The following SIPA1L2 variants were observed in gnomAD, a reference collection of about 807,000 sequenced individuals.
SIPA1L2 encodes signal-induced proliferation-associated 1-like protein 2.
A neutral mutation model predicts 163.9 loss-of-function variants in SIPA1L2; 56 were observed. The ratio of observed to expected loss-of-function variants is 0.34; its 90% CI spans 0.28 to 0.43. The LOEUF (loss-of-function observed/expected upper bound fraction) is 0.43. SIPA1L2 is among the 20% of genes least tolerant of loss of function. SIPA1L2 has a pLI of 1.00. For missense variants in SIPA1L2, 1,974 were observed against 2,193.5 expected (o/e 0.90, Z 2.00); for synonymous variants, 877 against 865.7 (o/e 1.01, Z -0.23).
At chr1:232,455,798 A>G (rs915017733) in intron 10 of SIPA1L2, among the ~76,000 whole-genome samples, 2 of 152,044 alleles carry the variant, frequency 1.3e-5, no homozygotes, top group Non-Finnish European at 2.9e-5. Flanking sequence ...TGTCTTTTGC[A>G]GCAACACAGG....
Position 232,405,478 on chromosome 1 carries a change from C to A in SIPA1L2, c.4763-1300G>T, listed in dbSNP as rs561450908. Among the ~76,000 whole-genome samples, 3 of 152,224 alleles carry A rather than the reference C, an allele frequency of 2.0e-5. No homozygotes were observed. In the South Asian group the frequency reaches 6.2e-4, roughly 32 times the overall value. ...GATCAACAACATAGTTGGGGCCCTG[C>A]CAACTTCTACTATGATGTGACCTGC... is the stretch of plus-strand genomic sequence containing the variant. On this transcript the variant is annotated intron_variant, in intron 19 of 22. Transcript: ENST00000674635.
chr1:232,506,275 G>A (rs927780767), intron 3 of SIPA1L2, among the ~76,000 whole-genome samples: 1 of 152,166 alleles, frequency 6.6e-6, no homozygotes, highest in African/African-American at 2.4e-5. Flanking sequence ...GGAAGCAGGG[G>A]GGCATGCTAT....
chr1:232,415,962 G>A, intron 18 of SIPA1L2: 1 of 237,292 alleles, frequency 4.2e-6, no homozygotes, highest in South Asian at 3.4e-5. Flanking sequence ...CAGTCAGTCA[G>A]AACACGGGCA....
At chr1:232,534,191 CAT>C (rs1225741682) in intron 2 of SIPA1L2, among the ~76,000 whole-genome samples, 2 of 152,144 alleles carry the variant, frequency 1.3e-5, no homozygotes. Flanking sequence ...TGAAGACAAA[CAT>C]AAAGACCAAT....
chr1:232,624,241 C>CATT (rs1316340693), intron 1 of SIPA1L2, among the ~76,000 whole-genome samples: 1 of 152,174 alleles, frequency 6.6e-6, no homozygotes, highest in East Asian at 1.9e-4. Flanking sequence ...CTGTTTCTTG[C>CATT]ATTAGGCCAT....
intron 18 of SIPA1L2, among the ~76,000 whole-genome samples, chr1:232,423,786 C>G (rs1661716770): frequency 6.6e-6 from 1 of 151,870 alleles, no homozygotes; most frequent in South Asian, 2.1e-4. Flanking sequence ...CTAGATGACG[C>G]AATATTATTC....
chr1:232,628,829 A>G (rs1663215749), intron 1 of SIPA1L2, among the ~76,000 whole-genome samples: 1 of 152,218 alleles, frequency 6.6e-6, no homozygotes, highest in African/African-American at 2.4e-5. Flanking sequence ...CTGCAGACAA[A>G]AGAGGCAAAG....
chr1:232,459,111 T>C (rs2357067), intron 10 of SIPA1L2, among the ~76,000 whole-genome samples: 18,010 of 152,274 alleles, frequency 0.12, 2,259 homozygotes, highest in East Asian at 0.58. Context: ...TGCAAGATTT[T>C]GCACATTAAC....
chr1:232,428,121 T>C (rs1459250562), intron 17 of SIPA1L2, among the ~76,000 whole-genome samples: 1 of 152,214 alleles, frequency 6.6e-6, no homozygotes, highest in African/African-American at 2.4e-5. Flanking sequence ...GTCACTTGCA[T>C]AAAGTCATGC....
intron 3 of SIPA1L2, among the ~76,000 whole-genome samples, chr1:232,505,680 G>A (rs557027321): frequency 1.3e-5 from 2 of 152,248 alleles, no homozygotes; most frequent in East Asian, 3.9e-4. Flanking sequence ...GAGCCCGTGC[G>A]ACCACAGCCC....
intron 7 of SIPA1L2, among the ~76,000 whole-genome samples, chr1:232,475,848 C>T (rs1449225950): frequency 6.6e-6 from 1 of 152,126 alleles, no homozygotes; most frequent in Non-Finnish European, 1.5e-5. Flanking sequence ...AAGATGATAA[C>T]AGGATTATGA....
intron 11 of SIPA1L2, among the ~76,000 whole-genome samples, chr1:232,445,149 A>G (rs1663138205): frequency 6.6e-6 from 1 of 152,234 alleles, no homozygotes; most frequent in Non-Finnish European, 1.5e-5. Context: ...CATTATGATG[A>G]TATTTAAGCA....
intron 10 of SIPA1L2, among the ~76,000 whole-genome samples, chr1:232,447,230 C>T (rs760475960): frequency 3.3e-5 from 5 of 151,950 alleles, no homozygotes; most frequent in Admixed American, 6.6e-5. Context: ...ATAATTTCAC[C>T]TGTTTCTTTT....
rs932050983 is a variant in SIPA1L2, at chr1:232,412,068, G to A, written c.4762+3426C>T. ...GCACGAATAGAGTTTAAACATTTAA[G>A]TAGTCATGATTTGACAGCTTAATTT... On this transcript the variant is annotated intron_variant, in intron 19 of 22. Coordinates refer to ENST00000674635, the MANE Select transcript of SIPA1L2 (RefSeq NM_020808.5). Among the ~76,000 whole-genome samples the A allele has an allele frequency of 2.0e-5, 3 of 152,138 alleles. No homozygotes were observed. In the East Asian group the frequency reaches 5.8e-4, roughly 29 times the overall value.
intron 2 of SIPA1L2, among the ~76,000 whole-genome samples, chr1:232,561,225 T>C (rs978390905): frequency 6.6e-6 from 1 of 152,242 alleles, no homozygotes; most frequent in Non-Finnish European, 1.5e-5. Context: ...CATTCTCAAC[T>C]ATCTTCCCAA....
intron 3 of SIPA1L2, among the ~76,000 whole-genome samples, chr1:232,499,597 T>C (rs1435479279): frequency 6.6e-6 from 1 of 152,220 alleles, no homozygotes; most frequent in African/African-American, 2.4e-5. Context: ...ACGCGGTAAG[T>C]GCAAGGTGAA....
chr1:232,439,189 T>A lies in SIPA1L2; in HGVS notation c.3950A>T (p.His1317Leu). ...GGCGGAGATGGTGGACGCGTAGCCA[T>A]GCACAGAATATAACTTGGCTGGCTC... ...DDEPAKLYSV[H>L]GYASTISAGS... Residue 1317 changes from histidine to leucine, a missense_variant, in exon 15 of 23, where the codon CAT (histidine) becomes CTT (leucine). His to Leu is a moderately conservative substitution (Grantham distance 99, BLOSUM62 -3). This residue lies in a region of SIPA1L2 where 1,079 missense variants were observed against 1,150.7 expected (regional missense o/e 0.94). Transcript: ENST00000674635. 6.2e-7 allele frequency: 1 copy of A among 1,613,788 alleles called. No homozygotes were observed.
intron 3 of SIPA1L2, among the ~76,000 whole-genome samples, chr1:232,507,748 C>G (rs1015767744): frequency 6.6e-6 from 1 of 152,186 alleles, no homozygotes; most frequent in African/African-American, 2.4e-5. Context: ...CAGATCATGG[C>G]TGGTAAATAC....
At chr1:232,420,731 G>A (rs532763084) in intron 18 of SIPA1L2, among the ~76,000 whole-genome samples, 7 of 151,998 alleles carry the variant, frequency 4.6e-5, no homozygotes, top group East Asian at 2.0e-4. Flanking sequence ...GCTACTCGGG[G>A]GGCTGAGGCA....
Sources: allele counts gnomAD v4.1 joint callset (sites outside exome capture counted in the v4.1 genomes callset), GRCh38; gene constraint gnomAD v4.1.1; regional missense constraint gnomAD v4.1.1; transcripts MANE v1.5; gene names NCBI Gene and HGNC (gene_info 2026-07-23, HGNC 2026-07-21).